Variants in FBXL2 observed in about 807,000 individuals in gnomAD.
FBXL2 encodes F-box and leucine rich repeat protein 2, also known as F-box/LRR-repeat protein 2.
FBXL2 carries 38 observed loss-of-function variants against 69.2 expected under a neutral mutation model. That is an observed-to-expected ratio of 0.55 (90% CI 0.42 to 0.72). The LOEUF is 0.72. Among genes scored for constraint, FBXL2 ranks in the 30% least tolerant of loss-of-function variants. The pLI is 0.00. For synonymous variants in FBXL2, 192 were observed against 201.3 expected, an observed-to-expected ratio of 0.95 and a Z score of 0.39; for missense variants, 354 against 520.3, an observed-to-expected ratio of 0.68 and a Z score of 3.11.
chr3:33,318,896 T>C (rs1257906290), intron 2 of FBXL2, among the ~76,000 whole-genome samples: 1 of 152,204 alleles, frequency 6.6e-6, no homozygotes, highest in Admixed American at 6.5e-5. Context: ...CATGGCTAGA[T>C]CTCAGTTACA....
At chr3:33,409,354 A>G in the FBXL2 span, 1 of 1,614,114 alleles carries the variant, frequency 6.2e-7, no homozygotes, top group Non-Finnish European at 8.5e-7. Flanking sequence ...AGGCTTAAAA[A>G]CAAAGTATAC....
At chr3:33,359,414 C>G in intron 4 of FBXL2, 57 bp downstream of exon 4, 1 of 1,217,914 alleles carries the variant, frequency 8.2e-7, no homozygotes, top group South Asian at 1.3e-5. Flanking sequence ...AGCTGTTCCC[C>G]CTTTCCTGAC....
At chr3:33,328,646 T>C (rs1442687809) in intron 2 of FBXL2, among the ~76,000 whole-genome samples, 1 of 151,882 alleles carries the variant, frequency 6.6e-6, no homozygotes, top group Non-Finnish European at 1.5e-5. Context: ...GATAACCCTA[T>C]CCAGAAAAAT....
the FBXL2 span, among the ~76,000 whole-genome samples, chr3:33,419,842 A>T: frequency 6.6e-6 from 1 of 152,246 alleles, no homozygotes; most frequent in African/African-American, 2.4e-5. Context: ...TGAAATATAA[A>T]GAAGGATCCA....
At chr3:33,397,392 C>G in intron 12 of FBXL2, 1 of 298,280 alleles carries the variant, frequency 3.4e-6, no homozygotes, top group South Asian at 1.2e-4. Context: ...GAGAGCAGGG[C>G]CTAAAGAACT....
chr3:33,421,202 C>A, the FBXL2 span, among the ~76,000 whole-genome samples: 1 of 151,684 alleles, frequency 6.6e-6, no homozygotes, highest in Non-Finnish European at 1.5e-5. Flanking sequence ...CATTTTGGGA[C>A]TACAGTTTTT....
Position 33,297,690 on chromosome 3 carries a change from T to G in FBXL2, c.30T>G (p.Leu10=). Residue 10 remains leucine (L), a synonymous_variant, in exon 2 of 15, where the codon CTT becomes CTG. Coordinates refer to ENST00000484457, the MANE Select transcript of FBXL2 (RefSeq NM_012157.5). Reference sequence around the variant, plus strand: ...TTTTCTCAAACAATGATGAAGGCCTTATTAACAAAAAGTTACCCAAAGAAC... The same window carrying G: ...TTTTCTCAAACAATGATGAAGGCCTGATTAACAAAAAGTTACCCAAAGAAC... MVFSNNDEG[L]INKKLPKELL... is the part of the protein sequence containing the mutation. The G allele has an allele frequency of 6.3e-7, 1 of 1,581,640 alleles. No individual in the cohort carries two copies. The highest frequency in any genetic ancestry group is 8.6e-7 in the Non-Finnish European group (1 of 1,160,660).
intron 2 of FBXL2, among the ~76,000 whole-genome samples, chr3:33,312,317 C>G (rs1439194421): frequency 2.6e-5 from 4 of 152,210 alleles, no homozygotes; most frequent in Non-Finnish European, 5.9e-5. Flanking sequence ...CCTCAGCCTC[C>G]CAAAGTGTTG....
chr3:33,378,966 A>T, intron 13 of FBXL2: 2 of 817,092 alleles, frequency 2.4e-6, no homozygotes, highest in Non-Finnish European at 3.6e-6. Flanking sequence ...CCAGATCCAG[A>T]TGGTTTTGTT....
At chr3:33,314,074 G>T in intron 2 of FBXL2, among the ~76,000 whole-genome samples, 1 of 150,248 alleles carries the variant, frequency 6.7e-6, no homozygotes. Flanking sequence ...TTTTTATATT[G>T]TTTATATATC....
chr3:33,288,919 T>G (rs921839698), intron 1 of FBXL2, among the ~76,000 whole-genome samples: 3 of 152,160 alleles, frequency 2.0e-5, no homozygotes, highest in Non-Finnish European at 4.4e-5. Context: ...GCATTTTTGT[T>G]GCAGTAATCC....
chr3:33,349,248 GT>G (rs2040661299), intron 2 of FBXL2, among the ~76,000 whole-genome samples: 1 of 152,068 alleles, frequency 6.6e-6, no homozygotes, highest in Non-Finnish European at 1.5e-5. Context: ...TCTGTTCTGT[GT>G]GGTTTTTATT....
At chr3:33,409,486 T>C in the FBXL2 span, 1 of 1,614,190 alleles carries the variant, frequency 6.2e-7, no homozygotes. Context: ...TGAGTGTAGA[T>C]GATCTGTGTA....
intron 2 of FBXL2, among the ~76,000 whole-genome samples, chr3:33,311,648 G>A (rs1175770790): frequency 2.6e-5 from 4 of 151,698 alleles, no homozygotes; most frequent in Admixed American, 2.0e-4. Flanking sequence ...TTTTGAGACA[G>A]AGTCTTGCTC....
intron 2 of FBXL2, among the ~76,000 whole-genome samples, chr3:33,324,424 T>G (rs1160366064): frequency 1.3e-5 from 2 of 152,234 alleles, no homozygotes; most frequent in Non-Finnish European, 2.9e-5. Context: ...TCTAGGGTAT[T>G]TATGGTTTTA....
At chr3:33,326,937 T>C (rs1399852400) in intron 2 of FBXL2, among the ~76,000 whole-genome samples, 2 of 152,236 alleles carry the variant, frequency 1.3e-5, no homozygotes, top group Non-Finnish European at 2.9e-5. Flanking sequence ...TGAAGCTTTC[T>C]GCTACCCTTA....
intron 2 of FBXL2, among the ~76,000 whole-genome samples, chr3:33,320,092 G>A (rs2038063127): frequency 1.3e-5 from 2 of 152,130 alleles, no homozygotes; most frequent in African/African-American, 2.4e-5. Flanking sequence ...AATGCCATCT[G>A]GAATTTTGGG....
At chr3:33,330,802 T>A (rs2039086981) in intron 2 of FBXL2, among the ~76,000 whole-genome samples, 2 of 151,880 alleles carry the variant, frequency 1.3e-5, no homozygotes, top group South Asian at 4.1e-4. Flanking sequence ...GGCAGGAGAA[T>A]CATTTGAACC....
At chr3:33,400,593 C>T (rs1222433998) in intron 12 of FBXL2, among the ~76,000 whole-genome samples, 1 of 152,076 alleles carries the variant, frequency 6.6e-6, no homozygotes, top group Non-Finnish European at 1.5e-5. Context: ...CTTATATTCT[C>T]ACTTATATGT....
Sources: gnomAD v4.1 joint callset for allele counts (sites outside exome capture counted in the v4.1 genomes callset) on GRCh38, gnomAD v4.1.1 for gene constraint, MANE v1.5 for transcripts, NCBI Gene and HGNC (gene_info 2026-07-23, HGNC 2026-07-21) for gene names.